The following COL13A1 variants were observed in gnomAD, a reference collection of about 807,000 sequenced individuals.
The protein encoded by COL13A1 is collagen alpha-1(XIII) chain.
In COL13A1, 89 loss-of-function variants were observed where a neutral mutation model predicts 130.9. The ratio of observed to expected loss-of-function variants is 0.68; its 90% CI spans 0.57 to 0.81. The LOEUF (loss-of-function observed/expected upper bound fraction) is 0.81. Ranked by LOEUF, COL13A1 falls within the 30% of genes least tolerant of loss-of-function variation. COL13A1 has a pLI of 0.00. For missense variants in COL13A1, 879 were observed against 934.6 expected (o/e 0.94, Z 0.78); for synonymous variants, 402 against 341.6 (o/e 1.18, Z -1.95).
At position 69,917,338 on chromosome 10, in the gene COL13A1, CT is replaced by C; in HGVS notation, c.966+6del. On this transcript the variant is annotated splice_donor_region_variant and intron_variant, in intron 18 of 40. Transcript: ENST00000645393. ...CCAGGCAAGCATGGAGCCAAGGTACCTCCCCCTTCCCCACATCCCAGGCAGC... is the reference window on the plus strand; with the variant it reads ...CCAGGCAAGCATGGAGCCAAGGTACCCCCCCTTCCCCACATCCCAGGCAGC... The C allele has an allele frequency of 6.2e-7, 1 of 1,613,048 alleles. No individual in the cohort carries two copies. The highest frequency in any genetic ancestry group is 8.5e-7 in the Non-Finnish European group (1 of 1,179,510).
chr10:69,927,159 G>A (rs1245482196), intron 27 of COL13A1, 49 bp downstream of exon 27: 3 of 1,609,032 alleles, frequency 1.9e-6, no homozygotes, highest in East Asian at 4.5e-5. Flanking sequence ...CGGGGGGGCT[G>A]GGGATGGCAG....
At chr10:69,839,090 C>T (rs1243079279) in intron 2 of COL13A1, among the ~76,000 whole-genome samples, 1 of 152,198 alleles carries the variant, frequency 6.6e-6, no homozygotes, top group African/African-American at 2.4e-5. Flanking sequence ...CCAGTTATAT[C>T]CTGCAATCTG....
At position 69,887,457 on chromosome 10, in the gene COL13A1, GT is replaced by G; in HGVS notation, c.516del (p.Gln173AsnfsTer31). On this transcript the variant is annotated frameshift_variant and splice_region_variant, in exon 8 of 41. Coordinates refer to ENST00000645393, the MANE Select transcript of COL13A1 (RefSeq NM_001368882.1). LOFTEE classifies it high-confidence loss of function. ...TGTCTCTTGTTTTTTTTTTTTCAGG[GT>G]CAACCAGGAACTAGAGGTTTCCCTG... ...LSIIGPRGPP[G>X]QPGTRGFPGF... is the part of the protein sequence containing the mutation. The G allele has an allele frequency of 6.2e-7, 1 of 1,612,672 alleles. No homozygotes were observed. The highest frequency in any genetic ancestry group is 8.5e-7 in the Non-Finnish European group (1 of 1,179,498).
chr10:69,848,459 T>C (rs1398996025), intron 2 of COL13A1, among the ~76,000 whole-genome samples: 1 of 152,182 alleles, frequency 6.6e-6, no homozygotes, highest in Non-Finnish European at 1.5e-5. Flanking sequence ...GAAACTTGCC[T>C]GGGGCTCTGG....
At chr10:69,846,060 T>C (rs1852957900) in intron 2 of COL13A1, among the ~76,000 whole-genome samples, 1 of 152,246 alleles carries the variant, frequency 6.6e-6, no homozygotes, top group South Asian at 2.1e-4. Context: ...TTCCTGGACA[T>C]GACACGGTTC....
intron 36 of COL13A1, 82 bp downstream of exon 36, chr10:69,944,260 A>G (rs2068105098): frequency 1.7e-6 from 2 of 1,172,876 alleles, no homozygotes; most frequent in Non-Finnish European, 2.5e-6. Context: ...CTCAGCCCTC[A>G]TGCCTTCCTT....
At chr10:69,902,967 G>A (rs1483110553) in intron 15 of COL13A1, 112 bp downstream of exon 15, 6 of 787,272 alleles carry the variant, frequency 7.6e-6, no homozygotes, top group Middle Eastern at 2.4e-4. Flanking sequence ...GCCTTGGCAG[G>A]GCCATTGGAT....
chr10:69,811,866 C>T (rs1340660051), intron 1 of COL13A1, among the ~76,000 whole-genome samples: 1 of 152,080 alleles, frequency 6.6e-6, no homozygotes, highest in Non-Finnish European at 1.5e-5. Context: ...GAAATCCACC[C>T]CTCACCAGCA....
intron 38 of COL13A1, among the ~76,000 whole-genome samples, chr10:69,952,134 C>T (rs1175528442): frequency 6.6e-6 from 1 of 152,234 alleles, no homozygotes; most frequent in Non-Finnish European, 1.5e-5. Context: ...GGTCTGACTT[C>T]AGACCAGGAT....
intron 2 of COL13A1, among the ~76,000 whole-genome samples, chr10:69,861,985 GT>G (rs1564874555): frequency 6.6e-6 from 1 of 152,176 alleles, no homozygotes; most frequent in East Asian, 1.9e-4. Flanking sequence ...TTGGGGTAAG[GT>G]GGGGCTGCTT....
Position 69,941,018 on chromosome 10 carries a change from C to T in COL13A1, c.1909C>T (p.Pro637Ser). 6.2e-7 allele frequency: 1 copy of T among 1,613,912 alleles called. No homozygotes were observed. The highest frequency in any genetic ancestry group is 1.3e-5 in the African/African-American group (1 of 75,034). The change falls in exon 35 of 41, where the codon CCA (proline) becomes TCA (serine). Residue 637 changes from proline to serine, a missense_variant. Physicochemically the swap from Pro to Ser is moderately conservative, Grantham distance 74 (BLOSUM62 -1). Transcript: ENST00000645393. ...TTCAGGTTTGGACGGCAGGCCTGGGCCACCGGTGAGTGTCACTTCTCCATC... is the reference window on the plus strand; with the variant it reads ...TTCAGGTTTGGACGGCAGGCCTGGGTCACCGGTGAGTGTCACTTCTCCATC... ...GASGLDGRPG[P>S]PGTPGPIGVP...
At chr10:69,947,381 T>C (rs764995634) in intron 38 of COL13A1, 39 bp downstream of exon 38, 3 of 1,578,190 alleles carry the variant, frequency 1.9e-6, no homozygotes, top group African/African-American at 2.7e-5. Context: ...TAGTTACTAA[T>C]GTCTTCATGA....
At chr10:69,895,462 G>A in intron 12 of COL13A1, 88 bp from the exon 13 acceptor site, 2 of 1,384,904 alleles carry the variant, frequency 1.4e-6, no homozygotes, top group South Asian at 1.2e-5. Context: ...GACATGTGTG[G>A]CATGTCCTGA....
intron 2 of COL13A1, among the ~76,000 whole-genome samples, chr10:69,860,233 G>C (rs1564869186): frequency 6.6e-6 from 1 of 152,050 alleles, no homozygotes; most frequent in Non-Finnish European, 1.5e-5. Flanking sequence ...GAAGTGTCAG[G>C]GTACTTGGAT....
At chr10:69,946,736 A>G (rs12781264) in intron 37 of COL13A1, among the ~76,000 whole-genome samples, 27,757 of 152,134 alleles carry the variant, frequency 0.18, 3,173 homozygotes, top group Admixed American at 0.25. Context: ...AAACCCAGCC[A>G]CAGGCCAGGA....
At chr10:69,956,793 A>C in intron 39 of COL13A1, 1 of 568,776 alleles carries the variant, frequency 1.8e-6, no homozygotes, top group Non-Finnish European at 3.2e-6. Flanking sequence ...CTATAGCTGC[A>C]TGTGACCTTT....
At chr10:69,954,495 T>C (rs891732000) in intron 39 of COL13A1, among the ~76,000 whole-genome samples, 1 of 152,174 alleles carries the variant, frequency 6.6e-6, no homozygotes, top group Non-Finnish European at 1.5e-5. Flanking sequence ...TAGCGAAACA[T>C]GTGAATGAGA....
intron 2 of COL13A1, among the ~76,000 whole-genome samples, chr10:69,835,270 C>T (rs1038470161): frequency 6.6e-6 from 1 of 152,114 alleles, no homozygotes; most frequent in Non-Finnish European, 1.5e-5. Context: ...GCCAGATGCT[C>T]CTTTGGAGGA....
At position 69,851,587 on chromosome 10, in the gene COL13A1, G is replaced by A. The variant is rs1854826499; in HGVS notation, c.365-16211G>A. ...CTATTCAACACTTAAAATGTGGCTA[G>A]TGAGGCTGAGGAACTGAACTGAATT... On this transcript the variant is annotated intron_variant, in intron 2 of 40. Coordinates refer to ENST00000645393, the MANE Select transcript of COL13A1 (RefSeq NM_001368882.1). Among the ~76,000 whole-genome samples the A allele has an allele frequency of 1.3e-5, 2 of 152,232 alleles. 1 individual carries two copies. The highest frequency in any genetic ancestry group is 4.1e-4 in the South Asian group (2 of 4,830).
Sources: gnomAD v4.1 joint callset for allele counts (sites outside exome capture counted in the v4.1 genomes callset) on GRCh38, gnomAD v4.1.1 for gene constraint, MANE v1.5 for transcripts, NCBI Gene and HGNC (gene_info 2026-07-23, HGNC 2026-07-21) for gene names.